CCNJL: variants seen among roughly 807,000 people sequenced by gnomAD.
The protein encoded by CCNJL is cyclin J like.
Under a neutral mutation model 33.4 loss-of-function variants are expected in CCNJL, and 33 were observed. The ratio of observed to expected loss-of-function variants is 0.99; its 90% CI spans 0.75 to 1.32. The LOEUF is 1.32. CCNJL is among the 40% of genes most tolerant of loss of function. The pLI is 0.00. For missense variants in CCNJL, 512 were observed against 499.7 expected (o/e 1.02, Z -0.23); for synonymous variants, 227 against 220.9 (o/e 1.03, Z -0.24).
chr5:160,308,386 G>A (rs1451981937), intron 2 of CCNJL, among the ~76,000 whole-genome samples: 6 of 152,206 alleles, frequency 3.9e-5, no homozygotes, highest in East Asian at 3.8e-4. Context: ...TGAGGCCCCC[G>A]CAAGGAAGAA....
chr5:160,312,382 G>C lies in CCNJL; in HGVS notation c.-68C>G, dbSNP rs1763297556. 3 of 162,480 alleles carry C rather than the reference G, an allele frequency of 1.8e-5. No individual in the cohort carries two copies. The highest frequency in any genetic ancestry group is 7.2e-5 in the African/African-American group (3 of 41,534). 10.1% of individuals were successfully genotyped at this position (162,480 alleles called of 1,614,324 possible). ...AACTCACGCATCCTCTCTGGGCGTG[G>C]GGGGCTGCGAGCGCCGGGCCCCTCC... On this transcript the variant is annotated 5_prime_UTR_variant, in exon 1 of 6. Coordinates refer to ENST00000257536, the MANE Select transcript of CCNJL (RefSeq NM_001308173.3).
intron 2 of CCNJL, among the ~76,000 whole-genome samples, chr5:160,293,683 C>T (rs903322611): frequency 9.2e-5 from 14 of 152,244 alleles, no homozygotes; most frequent in Middle Eastern, 3.4e-3. Context: ...TGCTATCTCC[C>T]CACACCCACC....
At chr5:160,284,993 C>T (rs781170659) in intron 2 of CCNJL, among the ~76,000 whole-genome samples, 1 of 151,560 alleles carries the variant, frequency 6.6e-6, no homozygotes, top group African/African-American at 2.4e-5. Context: ...GGGAGGTCGA[C>T]GGGGGTGGAT....
chr5:160,253,707 G>A lies in CCNJL; in HGVS notation c.835C>T (p.Leu279=). ...PGTPPTPTQV[L]FQPPAYPALG... ...GCCGGGTAGGCTGGTGGCTGGAACA[G>A]CACTTGAGTGGGGGTGGGGGGTGTG... The change falls in exon 6 of 6, where the codon CTG becomes TTG. Residue 279 remains leucine, a synonymous_variant. Transcript: ENST00000257536. The A allele has an allele frequency of 1.2e-6, 2 of 1,600,638 alleles. No individual in the cohort carries two copies. The highest frequency in any genetic ancestry group is 1.7e-6 in the Non-Finnish European group (2 of 1,173,736).
intron 2 of CCNJL, among the ~76,000 whole-genome samples, chr5:160,308,916 C>T (rs966197600): frequency 6.6e-6 from 1 of 152,100 alleles, no homozygotes; most frequent in African/African-American, 2.4e-5. Flanking sequence ...AACACAGAAT[C>T]CAAATAGAGG....
intron 3 of CCNJL, among the ~76,000 whole-genome samples, chr5:160,275,137 T>C (rs1050544453): frequency 6.8e-6 from 1 of 147,542 alleles, no homozygotes; most frequent in Admixed American, 6.9e-5. Flanking sequence ...TAGGCTGGGG[T>C]GCAGTGGTGC....
chr5:160,320,831 T>TTC lies in CCNJL; in HGVS notation n.207-5328_207-5327dup, dbSNP rs781200189. Among the ~76,000 whole-genome samples, 169 of 124,028 alleles carry TTC rather than the reference T, an allele frequency of 1.4e-3. 1 individual carries two copies. Among genetic ancestry groups the TTC allele is most frequent in the African/African-American group, 5.0e-3 (167 of 33,276 alleles). 81.4% of individuals were successfully genotyped at this position (124,028 alleles called of 152,430 possible). A position where few individuals can be genotyped will look rare whatever the true frequency, so the allele number is the denominator to read the frequency against. On this transcript the variant is annotated intron_variant and non_coding_transcript_variant, in intron 1 of 7. Transcript: ENST00000377503. The stretch of plus-strand genomic sequence containing the variant: ...TTTCTTTCTTTCTTTCTTTCTTTCT[T>TTC]TCTTTCTTTCTTTCTTTCCTTCTTT...
chr5:160,312,029 G>T, intron 1 of CCNJL, 57 bp from the exon 2 acceptor site: 1 of 1,121,008 alleles, frequency 8.9e-7, no homozygotes, highest in East Asian at 2.5e-5. Context: ...CCGACCCCCG[G>T]TGTCCCTATC....
intron 2 of CCNJL, among the ~76,000 whole-genome samples, chr5:160,288,669 G>T (rs944051775): frequency 1.3e-5 from 2 of 151,882 alleles, no homozygotes; most frequent in South Asian, 4.2e-4. Context: ...AGGAGATCGA[G>T]ACCATCCTGG....
rs1365606232 is a variant in CCNJL, at chr5:160,288,241, A to G, written c.67-7503T>C. 1.6e-4 allele frequency among the ~76,000 whole-genome samples: 25 copies of G among 152,342 alleles called. No individual in the cohort carries two copies. In the East Asian group the frequency reaches 4.6e-3, roughly 28 times the overall value. ...ACTGAGATCTTGCATTTTCACGATC[A>G]TGCTTTTCAACAGCCTGAATTTTTC... On this transcript the variant is annotated intron_variant, in intron 2 of 5. Transcript: ENST00000257536.
intron 3 of CCNJL, among the ~76,000 whole-genome samples, chr5:160,273,994 C>T (rs564694789): frequency 3.3e-5 from 5 of 152,068 alleles, no homozygotes; most frequent in South Asian, 2.1e-4. Context: ...GAACAGAACC[C>T]GTAATGAGAA....
chr5:160,290,189 G>A (rs1300310552), intron 2 of CCNJL, among the ~76,000 whole-genome samples: 1 of 152,028 alleles, frequency 6.6e-6, no homozygotes, highest in Non-Finnish European at 1.5e-5. Context: ...TCTTCTAATT[G>A]CCTTGAGGTT....
intron 1 of CCNJL, 132 bp downstream of exon 1, chr5:160,312,232 T>A (rs1354804594): frequency 8.4e-6 from 4 of 474,430 alleles, no homozygotes; most frequent in Non-Finnish European, 3.8e-6. Flanking sequence ...CAGAGAAAGT[T>A]GTCAACTCCG....
In CCNJL at chr5:160,312,545, G is replaced by C. The variant is rs1264651138; in HGVS notation, c.-231C>G. The C allele has an allele frequency of 1.3e-5, 2 of 151,560 alleles. No individual in the cohort carries two copies. The highest frequency in any genetic ancestry group is 6.6e-5 in the Admixed American group (1 of 15,204). The allele number at this position is 151,560 out of a possible 1,614,324, so 9.4% of individuals were successfully genotyped here. A position where few individuals can be genotyped will look rare whatever the true frequency, so the allele number is the denominator to read the frequency against. ...GCGCCCCTGCGTGCGCTCGGGTCCCGCCGCGGCTCGCAGGCTCCCGGCCGC... is the reference window on the plus strand; with the variant it reads ...GCGCCCCTGCGTGCGCTCGGGTCCCCCCGCGGCTCGCAGGCTCCCGGCCGC... On this transcript the variant is annotated 5_prime_UTR_variant, in exon 1 of 6. Transcript: ENST00000257536.
At chr5:160,276,831 T>C (rs1287626611) in intron 3 of CCNJL, among the ~76,000 whole-genome samples, 1 of 152,152 alleles carries the variant, frequency 6.6e-6, no homozygotes, top group Non-Finnish European at 1.5e-5. Context: ...TCACCCAGGC[T>C]GGAGTGCAGT....
intron 2 of CCNJL, among the ~76,000 whole-genome samples, chr5:160,311,033 A>G (rs1051485679): frequency 6.6e-6 from 1 of 152,102 alleles, no homozygotes; most frequent in East Asian, 1.9e-4. Flanking sequence ...ACTACTTCAC[A>G]CCTGTTCCCC....
Position 160,249,306 on chromosome 5 carries a change from T to C in CCNJL, c.*4072A>G, listed in dbSNP as rs1474900926. On this transcript the variant is annotated 3_prime_UTR_variant, in exon 6 of 6. Transcript: ENST00000257536. ...TATAAATTGGGTTAGGTGGGAAAAA[T>C]AATTTTAAAAGGTGGAAAAAGTTCT... 6.6e-6 allele frequency: 1 copy of C among 152,138 alleles called. No individual in the cohort carries two copies. Among genetic ancestry groups the C allele is most frequent in the Non-Finnish European group, 1.5e-5 (1 of 68,022 alleles). 9.4% of individuals were successfully genotyped at this position (152,138 alleles called of 1,614,324 possible). A position where few individuals can be genotyped will look rare whatever the true frequency, so the allele number is the denominator to read the frequency against.
At chr5:160,326,770 C>CA in intron 1 of CCNJL, 1 of 869,444 alleles carries the variant, frequency 1.2e-6, no homozygotes, top group Non-Finnish European at 1.9e-6. Flanking sequence ...GATAAACTTA[C>CA]AAAATAGATC....
At chr5:160,301,830 A>T (rs1387392442) in intron 2 of CCNJL, among the ~76,000 whole-genome samples, 1 of 151,266 alleles carries the variant, frequency 6.6e-6, no homozygotes, top group Non-Finnish European at 1.5e-5. Context: ...CCCGGGTTCA[A>T]GCAATTCTCC....
Sources: gnomAD v4.1 joint callset for allele counts (sites outside exome capture counted in the v4.1 genomes callset) on GRCh38, gnomAD v4.1.1 for gene constraint, MANE v1.5 for transcripts, NCBI Gene and HGNC (gene_info 2026-07-23, HGNC 2026-07-21) for gene names.